TRAPPC9: variants seen among roughly 807,000 people sequenced by gnomAD.
TRAPPC9 encodes IKK2 binding protein.
TRAPPC9 carries 83 observed loss-of-function variants against 124.0 expected under a neutral mutation model. The ratio of observed to expected loss-of-function variants is 0.67; its 90% confidence interval spans 0.56 to 0.80. The LOEUF (loss-of-function observed/expected upper bound fraction) is 0.80, where lower values mean the gene tolerates loss of function less well. Ranked by LOEUF, TRAPPC9 falls within the 30% of genes least tolerant of loss-of-function variation. The pLI, the probability that TRAPPC9 is intolerant of heterozygous loss-of-function variation, is 0.00. For synonymous variants in TRAPPC9, 638 were observed against 617.5 expected (o/e 1.03, Z -0.49); for missense variants, 1,302 against 1,508.3 (o/e 0.86, Z 2.27).
chr8:139,831,433 A>C (rs1436414851), intron 21 of TRAPPC9, among the ~76,000 whole-genome samples: 1 of 152,158 alleles, frequency 6.6e-6, no homozygotes, highest in African/African-American at 2.4e-5. Flanking sequence ...CTTCCCACGC[A>C]CTCACATGCA....
intron 21 of TRAPPC9, among the ~76,000 whole-genome samples, chr8:139,747,034 TGGAAGC>T (rs1818946037): frequency 6.6e-6 from 1 of 152,252 alleles, no homozygotes; most frequent in Non-Finnish European, 1.5e-5. Context: ...GCCTGCTGGC[TGGAAGC>T]ATTATGCAAA....
At chr8:140,352,894 A>G (rs989226993) in intron 9 of TRAPPC9, among the ~76,000 whole-genome samples, 2 of 152,170 alleles carry the variant, frequency 1.3e-5, no homozygotes, top group Non-Finnish European at 2.9e-5. Context: ...ATGTCTGACC[A>G]AGGAGCTGGC....
intron 16 of TRAPPC9, among the ~76,000 whole-genome samples, chr8:140,236,001 G>C (rs2063720437): frequency 6.6e-6 from 1 of 151,954 alleles, no homozygotes; most frequent in Non-Finnish European, 1.5e-5. Flanking sequence ...ACTTCTAACA[G>C]GGAGACATTA....
At chr8:140,179,380 T>C (rs950223232) in intron 17 of TRAPPC9, among the ~76,000 whole-genome samples, 35 of 152,166 alleles carry the variant, frequency 2.3e-4, no homozygotes, top group African/African-American at 7.2e-4. Context: ...ATTTGGGGCT[T>C]ACCAATGTAT....
rs539224139 is a variant in TRAPPC9 at position 139,754,745 on chromosome 8, C to T, written c.3056-22543G>A. Reference sequence around the variant, plus strand: ...CCAGCCTCTGTTTTCCAGAGACGCCCCCACCCCGTGTCACAAGCTGAACAG... The same window carrying T: ...CCAGCCTCTGTTTTCCAGAGACGCCTCCACCCCGTGTCACAAGCTGAACAG... On this transcript the variant is annotated intron_variant, in intron 21 of 22. Transcript: ENST00000438773. 5.3e-5 allele frequency among the ~76,000 whole-genome samples: 8 copies of T among 152,340 alleles called. No homozygotes were observed. The South Asian group carries it at 1.4e-3, about 28-fold the overall frequency.
intron 17 of TRAPPC9, among the ~76,000 whole-genome samples, chr8:140,183,860 AAAAAGAAG>A (rs1457689437): frequency 2.1e-4 from 7 of 33,802 alleles, no homozygotes; most frequent in South Asian, 2.5e-3. Flanking sequence ...GTCAAAAAAA[AAAAAGAAG>A]AAGAAGAAGA....
chr8:139,992,449 C>A (rs1286977975), intron 18 of TRAPPC9, among the ~76,000 whole-genome samples: 2 of 151,928 alleles, frequency 1.3e-5, no homozygotes, highest in African/African-American at 4.8e-5. Flanking sequence ...CACGTCAGTG[C>A]TCAAAAAGTT....
chr8:140,046,424 T>A (rs1351007135), intron 17 of TRAPPC9, among the ~76,000 whole-genome samples: 1 of 152,168 alleles, frequency 6.6e-6, no homozygotes, highest in Non-Finnish European at 1.5e-5. Flanking sequence ...CGCCCCAGAC[T>A]CCCCACAGCC....
intron 17 of TRAPPC9, among the ~76,000 whole-genome samples, chr8:140,165,637 G>T (rs1484324834): frequency 5.0e-5 from 7 of 139,296 alleles, no homozygotes; most frequent in Non-Finnish European, 9.3e-5. Flanking sequence ...GCAAAGGGGA[G>T]GGGGGGATGC....
rs530250368 is a variant in TRAPPC9, at chr8:140,276,325, T to C, written c.2115-504A>G. 2.0e-4 allele frequency among the ~76,000 whole-genome samples: 30 copies of C among 152,318 alleles called. No homozygotes were observed. The South Asian group carries it at 5.8e-3, about 29-fold the overall frequency. On this transcript the variant is annotated intron_variant, in intron 14 of 22. Transcript: ENST00000438773. ...AGAAGCTGTCCCACAGACCCCTTCTTACAGGTACAAACTGTAAGGAATGCC... is the reference window on the plus strand; with the variant it reads ...AGAAGCTGTCCCACAGACCCCTTCTCACAGGTACAAACTGTAAGGAATGCC...
At chr8:140,232,237 C>T (rs1196501487) in intron 16 of TRAPPC9, among the ~76,000 whole-genome samples, 1 of 151,994 alleles carries the variant, frequency 6.6e-6, no homozygotes, top group Non-Finnish European at 1.5e-5. Context: ...TGCGCCTGAC[C>T]ATAAATCACT....
In TRAPPC9 at chr8:140,349,920, C is replaced by T. The variant is rs2067499733; in HGVS notation, c.1495+10130G>A. Among the ~76,000 whole-genome samples the T allele has an allele frequency of 2.0e-5, 3 of 152,210 alleles. No homozygotes were observed. In the South Asian group the frequency reaches 6.2e-4, roughly 31 times the overall value. On this transcript the variant is annotated intron_variant, in intron 9 of 22. Transcript: ENST00000438773. ...CCTCTGCCCAGCAATGCCTCTCTCA[C>T]TCAGCTACACGGTCAGCAGATGATT...
intron 1 of TRAPPC9, among the ~76,000 whole-genome samples, 183 bp downstream of exon 1, chr8:140,457,456 G>A (rs1017042009): frequency 6.6e-6 from 1 of 152,200 alleles, no homozygotes; most frequent in African/African-American, 2.4e-5. Context: ...AGGGCGCCTC[G>A]AGCAGGTGCA....
intron 17 of TRAPPC9, among the ~76,000 whole-genome samples, chr8:140,043,926 G>A (rs1841419442): frequency 6.6e-6 from 1 of 152,058 alleles, no homozygotes; most frequent in Non-Finnish European, 1.5e-5. Flanking sequence ...TGACTGCCTG[G>A]GTACAAGGAA....
intron 17 of TRAPPC9, among the ~76,000 whole-genome samples, chr8:140,103,864 T>C (rs1306448325): frequency 1.3e-5 from 2 of 152,220 alleles, no homozygotes; most frequent in Non-Finnish European, 1.5e-5. Flanking sequence ...GTCTTGAACC[T>C]GGGCAGCCCA....
chr8:140,101,795 G>A (rs534047182), intron 17 of TRAPPC9, among the ~76,000 whole-genome samples: 27 of 151,502 alleles, frequency 1.8e-4, no homozygotes, highest in Non-Finnish European at 2.5e-4. Flanking sequence ...CACCCACCTC[G>A]GCCTCCCAAG....
rs150851812 is a variant in TRAPPC9 at position 140,431,178 on chromosome 8, C to T, written c.859+3934G>A. Among the ~76,000 whole-genome samples the T allele has an allele frequency of 3.2e-3, 487 of 151,578 alleles. 5 individuals are homozygous for T. Among genetic ancestry groups the T allele is most frequent in the African/African-American group, 0.011 (465 of 41,384 alleles). On this transcript the variant is annotated intron_variant, in intron 4 of 22. Coordinates refer to ENST00000438773, the MANE Select transcript of TRAPPC9 (RefSeq NM_001160372.4). ...TATAAGAACTACTGACCCTCCTCGC[C>T]GGGCGCGGTGGCTCACGCCTGTAAT...
chr8:139,791,836 C>A (rs143309889), intron 21 of TRAPPC9, among the ~76,000 whole-genome samples: 2 of 152,340 alleles, frequency 1.3e-5, no homozygotes, highest in African/African-American at 4.8e-5. Context: ...ACAGGTCACT[C>A]TGCATGGGAT....
At chr8:139,939,428 G>A (rs1164760195) in intron 19 of TRAPPC9, among the ~76,000 whole-genome samples, 1 of 152,230 alleles carries the variant, frequency 6.6e-6, no homozygotes, top group Non-Finnish European at 1.5e-5. Context: ...ACTCCAGAAG[G>A]AGGTGGTCCA....
Sources: allele counts gnomAD v4.1 joint callset (sites outside exome capture counted in the v4.1 genomes callset), GRCh38; gene constraint gnomAD v4.1.1; transcripts MANE v1.5; gene names NCBI Gene and HGNC (gene_info 2026-07-23, HGNC 2026-07-21).